SBNO1: variants seen among roughly 807,000 people sequenced by gnomAD.
SBNO1 encodes strawberry notch homolog 1, also known as protein strawberry notch homolog 1.
In SBNO1, 23 loss-of-function variants were observed where a neutral mutation model predicts 173.6. The ratio of observed to expected loss-of-function variants is 0.13; its 90% CI spans 0.10 to 0.19. SBNO1 has a LOEUF of 0.19. SBNO1 is among the 10% of genes least tolerant of loss of function. The probability of loss-of-function intolerance (pLI) is 1.00; values close to 1 mark genes in which losing one functional copy is unlikely to be tolerated. For missense variants in SBNO1, 1,238 were observed against 1,671.2 expected (o/e 0.74, Z 4.52); for synonymous variants, 632 against 571.5 (o/e 1.11, Z -1.51).
rs779622684 is a variant in SBNO1, at chr12:123,295,924, T to G, written c.4166A>C (p.Asn1389Thr). 1.2e-6 allele frequency: 2 copies of G among 1,613,438 alleles called. No individual in the cohort carries two copies. Among genetic ancestry groups the G allele is most frequent in the Admixed American group, 3.3e-5 (2 of 60,018 alleles). ...GTCTGTTCTTCATGCGTTGCTCAAG[T>G]TGGTGATGCTCTGAGGGTGATGCTG... Reference protein sequence around the residue: ...WQQHHPQSITNLSNA With the variant: ...WQQHHPQSITTLSNA Residue 1389 changes from asparagine (N) to threonine (T), a missense_variant, in exon 32 of 32, where the codon AAC (asparagine) becomes ACC (threonine). By Grantham distance (65) the Asn-to-Thr change is moderately conservative (BLOSUM62 0). Transcript: ENST00000602398.
chr12:123,348,776 A>C (rs1187674474), intron 2 of SBNO1, among the ~76,000 whole-genome samples: 3 of 151,758 alleles, frequency 2.0e-5, no homozygotes, highest in Non-Finnish European at 4.4e-5. Context: ...AAAAAAAACA[A>C]ATAAATAAAA....
At chr12:123,322,966 C>G (rs537143750) in intron 16 of SBNO1, among the ~76,000 whole-genome samples, 13 of 152,078 alleles carry the variant, frequency 8.5e-5, no homozygotes, top group Non-Finnish European at 1.6e-4. Context: ...AAGAACAGGT[C>G]TGACAATACA....
chr12:123,356,659 T>G (rs9300258), intron 1 of SBNO1, among the ~76,000 whole-genome samples: 148,973 of 152,340 alleles, frequency 0.98, 72,858 homozygotes, highest in East Asian at 1. Flanking sequence ...GGCAAGGCTG[T>G]TCTCAAACTC....
chr12:123,319,247 G>C (rs1415691276), intron 20 of SBNO1, among the ~76,000 whole-genome samples: 1 of 152,002 alleles, frequency 6.6e-6, no homozygotes. Context: ...TTACAGGCGT[G>C]AGCCACCACG....
intron 1 of SBNO1, among the ~76,000 whole-genome samples, chr12:123,351,517 C>G (rs1214672436): frequency 6.6e-6 from 1 of 151,934 alleles, no homozygotes; most frequent in Non-Finnish European, 1.5e-5. Context: ...GTCCCAGCTA[C>G]TTGGGAGGAT....
In SBNO1 at chr12:123,295,847, T is replaced by G; in HGVS notation, c.*61A>C. ...TTCTTTGGAAACTGTCCCTGATTTT[T>G]ATGCAAATGATATGCTTCAACAGCA... On this transcript the variant is annotated 3_prime_UTR_variant, in exon 32 of 32. Transcript: ENST00000602398. 6.4e-7 allele frequency: 1 copy of G among 1,568,970 alleles called. No homozygotes were observed. The highest frequency in any genetic ancestry group is 8.6e-7 in the Non-Finnish European group (1 of 1,156,904).
chr12:123,361,295 T>TC (rs927358097), intron 1 of SBNO1, among the ~76,000 whole-genome samples: 3 of 151,910 alleles, frequency 2.0e-5, no homozygotes, highest in African/African-American at 7.2e-5. Flanking sequence ...ACGCCTGTAA[T>TC]CCCAGTACTT....
At chr12:123,298,655 T>A (rs1028785916) in intron 30 of SBNO1, among the ~76,000 whole-genome samples, 1 of 152,252 alleles carries the variant, frequency 6.6e-6, no homozygotes, top group African/African-American at 2.4e-5. Context: ...ATTTAAGGTA[T>A]CAGGCTGATT....
In SBNO1 at chr12:123,290,905, G is replaced by GCT. The variant is rs2138847526; in HGVS notation, c.*5002_*5003insAG. 1.4e-5 allele frequency: 2 copies of GCT among 143,754 alleles called. No homozygotes were observed. Among genetic ancestry groups the GCT allele is most frequent in the South Asian group, 4.4e-4 (2 of 4,498 alleles). 8.9% of individuals were successfully genotyped at this position (143,754 alleles called of 1,614,324 possible). ...GGCACCCGCCACCACGCCTGGCTAA[G>GCT]TTTTTTTTTTTTTTGTATTTTTAGT... On this transcript the variant is annotated 3_prime_UTR_variant, in exon 32 of 32. Transcript: ENST00000602398.
At chr12:123,353,546 C>G (rs1050625278) in intron 1 of SBNO1, among the ~76,000 whole-genome samples, 3 of 152,116 alleles carry the variant, frequency 2.0e-5, no homozygotes, top group African/African-American at 7.2e-5. Flanking sequence ...ACAGAGTTAA[C>G]AGGAGAAATG....
chr12:123,345,119 A>C, intron 4 of SBNO1, 139 bp downstream of exon 4: 1 of 703,652 alleles, frequency 1.4e-6, no homozygotes, highest in Non-Finnish European at 2.4e-6. Flanking sequence ...AATTGTGTTA[A>C]AGACTGTAAG....
chr12:123,318,808 C>T (rs12309034), intron 20 of SBNO1, among the ~76,000 whole-genome samples: 1 of 151,234 alleles, frequency 6.6e-6, no homozygotes, highest in South Asian at 2.1e-4. Flanking sequence ...GGAATGTAAT[C>T]TGTAAGCCAT....
Position 123,345,263 on chromosome 12 carries a change from G to A in SBNO1, c.545C>T (p.Ala182Val), listed in dbSNP as rs866385270. The change falls in exon 4 of 32, where the codon GCA becomes GTA. Residue 182 changes from alanine to valine, a missense_variant. Ala to Val is a moderately conservative substitution (Grantham distance 64). Coordinates refer to ENST00000602398, the MANE Select transcript of SBNO1 (RefSeq NM_001167856.3). Reference protein sequence around the residue: ...PANIAQPVATAATDVSNGTVK... With the variant: ...PANIAQPVATVATDVSNGTVK... ...ACTATTGAAAACAGACTTACTAGCT[G>A]CTGTTGCTACTGGCTGAGCAATATT... The A allele has an allele frequency of 6.2e-7, 1 of 1,611,658 alleles. No individual in the cohort carries two copies. Among genetic ancestry groups the A allele is most frequent in the Non-Finnish European group, 8.5e-7 (1 of 1,177,936 alleles).
intron 16 of SBNO1, among the ~76,000 whole-genome samples, chr12:123,323,438 T>G (rs904044387): frequency 7.2e-5 from 11 of 152,174 alleles, no homozygotes; most frequent in Admixed American, 2.0e-4. Context: ...CACTGCAAGC[T>G]CTGCCTCCTG....
intron 31 of SBNO1, 96 bp downstream of exon 31, chr12:123,297,882 A>G (rs2048661336): frequency 9.4e-7 from 1 of 1,068,894 alleles, no homozygotes; most frequent in African/African-American, 1.6e-5. Context: ...AAGAGATGTT[A>G]GATGCATGTG....
At chr12:123,320,091 T>G (rs1869772070) in intron 19 of SBNO1, 60 bp from the exon 20 acceptor site, 1 of 1,590,232 alleles carries the variant, frequency 6.3e-7, no homozygotes, top group African/African-American at 1.3e-5. Flanking sequence ...ATGGACTCAG[T>G]GCCTCTTTCC....
chr12:123,355,518 C>A (rs761286436), intron 1 of SBNO1, among the ~76,000 whole-genome samples: 41 of 151,860 alleles, frequency 2.7e-4, no homozygotes, highest in Non-Finnish European at 5.1e-4. Context: ...GCAGGAGAAT[C>A]GCGTGAACCC....
At chr12:123,320,892 C>T (rs1593358124) in intron 17 of SBNO1, 26 bp from the exon 18 acceptor site, 1 of 1,486,044 alleles carries the variant, frequency 6.7e-7, no homozygotes, top group Non-Finnish European at 9.1e-7. Context: ...AGATACATGT[C>T]AAATCATTTG....
rs187852179 is a variant in SBNO1, at chr12:123,331,266, A to C, written c.1019T>G (p.Leu340Trp). Residue 340 changes from leucine to tryptophan, a missense_variant, in exon 8 of 32, where the codon TTG (leucine) becomes TGG (tryptophan). This residue lies in a region of SBNO1 where 56 missense variants were observed against 65.1 expected (regional missense o/e 0.86). Coordinates refer to ENST00000602398, the MANE Select transcript of SBNO1 (RefSeq NM_001167856.3). ...TIAGIIYENYLLSRKRALWFS... is the reference protein window; with the variant it reads ...TIAGIIYENYWLSRKRALWFS... ...CCACAATGCTCGTTTTCTACTCAAC[A>C]AATAATTTTCATAGATGATTCCTGC... 6.2e-7 allele frequency: 1 copy of C among 1,614,038 alleles called. No individual in the cohort carries two copies. Among genetic ancestry groups the C allele is most frequent in the Non-Finnish European group, 8.5e-7 (1 of 1,179,964 alleles).
Sources: allele counts gnomAD v4.1 joint callset (sites outside exome capture counted in the v4.1 genomes callset), GRCh38; gene constraint gnomAD v4.1.1; regional missense constraint gnomAD v4.1.1; transcripts MANE v1.5; gene names NCBI Gene and HGNC (gene_info 2026-07-23, HGNC 2026-07-21).